Variants in ZBTB33 observed in about 807,000 individuals in gnomAD.
The protein encoded by ZBTB33 is zinc finger and BTB domain containing 33.
Under a neutral mutation model 25.9 loss-of-function variants are expected in ZBTB33, and 11 were observed. That is an observed-to-expected ratio of 0.42 (90% CI 0.27 to 0.70). ZBTB33 has a LOEUF of 0.70. Ranked by LOEUF, ZBTB33 falls within the 30% of genes least tolerant of loss-of-function variation. ZBTB33 has a pLI of 0.23. For synonymous variants in ZBTB33, 157 were observed against 184.8 expected (o/e 0.85, Z 1.22); for missense variants, 343 against 501.1 (o/e 0.68, Z 3.01).
intron 1 of ZBTB33, among the ~76,000 whole-genome samples, chrX:120,251,191 C>T (rs1475549732): frequency 8.9e-6 from 1 of 111,820 alleles, no homozygotes; most frequent in African/African-American, 3.3e-5. Context: ...CGTTAGGGGC[C>T]GAGGGGCTGC....
In ZBTB33 at chrX:120,255,449, C is replaced by T. The variant is rs781927736; in HGVS notation, c.*15C>T. 1 of 1,154,614 alleles carries T rather than the reference C, an allele frequency of 8.7e-7. No individual in the cohort carries two copies. Among genetic ancestry groups the T allele is most frequent in the Non-Finnish European group, 1.2e-6 (1 of 858,221 alleles). On this transcript the variant is annotated 3_prime_UTR_variant, in exon 3 of 3. Coordinates refer to ENST00000557385, the MANE Select transcript of ZBTB33 (RefSeq NM_001184742.2). ...AGTCTTACTAAACTCCTTTGAAATA[C>T]TAGAAAGTTTTGTTTTGGATGATGG... is the stretch of plus-strand genomic sequence containing the variant.
rs782536589 is a variant in ZBTB33, at chrX:120,255,534, G to A, written c.*100G>A. The A allele has an allele frequency of 2.8e-6, 2 of 701,825 alleles. No individual in the cohort carries two copies. Among genetic ancestry groups the A allele is most frequent in the Admixed American group, 7.3e-5 (2 of 27,438 alleles). 57.8% of individuals were successfully genotyped at this position (701,825 alleles called of 1,213,427 possible). On this transcript the variant is annotated 3_prime_UTR_variant, in exon 3 of 3. Transcript: ENST00000557385. Reference sequence around the variant, plus strand: ...AGGTGCGAACAAGTTAATTTGATCTGCCACATTATCTGAAGGAAGTGTAGT... The same window carrying A: ...AGGTGCGAACAAGTTAATTTGATCTACCACATTATCTGAAGGAAGTGTAGT...
Position 120,255,302 on chromosome X carries a change from C to T in ZBTB33, c.1887C>T (p.Thr629=), listed in dbSNP as rs1180750813. 1 of 1,209,743 alleles carries T rather than the reference C, an allele frequency of 8.3e-7. No individual in the cohort carries two copies. Among genetic ancestry groups the T allele is most frequent in the Non-Finnish European group, 1.1e-6 (1 of 894,933 alleles). Residue 629 remains threonine, a synonymous_variant, in exon 3 of 3, where the codon ACC becomes ACT. Transcript: ENST00000557385. ...VDTGKEPPVG[T]TTSTQNKPMT... ...CTGGAAAAGAACCTCCAGTAGGGAC[C>T]ACTACATCTACTCAGAACAAGCCAA...
In ZBTB33 at chrX:120,253,667, T is replaced by C. The variant is rs782407451; in HGVS notation, c.252T>C (p.Tyr84=). ...AGATCTTTGCAGAAATTCTCAATTA[T>C]ATCTATAGTTCTAAAATTGTTCGTG... The part of the protein sequence containing the change: ...RAEIFAEILN[Y]IYSSKIVRVR... The change falls in exon 3 of 3, where the codon TAT becomes TAC. Residue 84 remains tyrosine (Y), a synonymous_variant. Coordinates refer to ENST00000557385, the MANE Select transcript of ZBTB33 (RefSeq NM_001184742.2). The C allele has an allele frequency of 8.3e-7, 1 of 1,212,084 alleles. No homozygotes were observed. The highest frequency in any genetic ancestry group is 1.1e-6 in the Non-Finnish European group (1 of 895,535).
In ZBTB33 at chrX:120,255,641, TTATA is replaced by T. The variant is rs2057633305; in HGVS notation, c.*210_*213del. 1 of 383,124 alleles carries T rather than the reference TTATA, an allele frequency of 2.6e-6. No homozygotes were observed. The highest frequency in any genetic ancestry group is 6.3e-5 in the South Asian group (1 of 15,809). 31.6% of individuals were successfully genotyped at this position (383,124 alleles called of 1,213,427 possible). On this transcript the variant is annotated 3_prime_UTR_variant, in exon 3 of 3. Coordinates refer to ENST00000557385, the MANE Select transcript of ZBTB33 (RefSeq NM_001184742.2). ...TGAGACCCCCTCCCCAAGTATCTGTTTATATAGTTAGTTTTCAGCTCATTTAAAA... is the reference window on the plus strand; with the variant it reads ...TGAGACCCCCTCCCCAAGTATCTGTTTAGTTAGTTTTCAGCTCATTTAAAA...
Position 120,254,952 on chromosome X carries a change from T to A in ZBTB33, c.1537T>A (p.Phe513Ile), listed in dbSNP as rs2057627963. The change falls in exon 3 of 3, where the codon TTT becomes ATT. Residue 513 changes from phenylalanine to isoleucine, a missense_variant. By Grantham distance (21) the Phe-to-Ile change is conservative. Transcript: ENST00000557385. ...CTGTCTGACAAGCTTGCGGAGACATTTTAACATTCATTCTTGGGAGAAGAA... is the reference window on the plus strand; with the variant it reads ...CTGTCTGACAAGCTTGCGGAGACATATTAACATTCATTCTTGGGAGAAGAA... ...YVCLTSLRRH[F>I]NIHSWEKKYP... is the part of the protein sequence containing the mutation. The A allele has an allele frequency of 8.3e-7, 1 of 1,210,602 alleles. No homozygotes were observed. The highest frequency in any genetic ancestry group is 1.1e-6 in the Non-Finnish European group (1 of 895,342).
chrX:120,256,788 A>AT lies in ZBTB33; in HGVS notation c.*1368dup, dbSNP rs782587377. 0.012 allele frequency: 1,344 copies of AT among 109,354 alleles called. 9 individuals carry two copies. Among genetic ancestry groups the AT allele is most frequent in the African/African-American group, 0.024 (658 of 27,981 alleles). 9.0% of individuals were successfully genotyped at this position (109,354 alleles called of 1,213,427 possible). ...CAGAATTGTTGAACGTCTGTAAATG[A>AT]TTTTTTTTTTTTTTGCAAAGGAAAA... On this transcript the variant is annotated 3_prime_UTR_variant, in exon 3 of 3. Transcript: ENST00000557385.
chrX:120,254,217 T>C lies in ZBTB33; in HGVS notation c.802T>C (p.Leu268=). The change falls in exon 3 of 3, where the codon TTG becomes CTG. Residue 268 remains leucine (L), a synonymous_variant. Coordinates refer to ENST00000557385, the MANE Select transcript of ZBTB33 (RefSeq NM_001184742.2). ...CCAAACACAAGGAAGTGAAAAATTG[T>C]TGGTATCTTCAGCTCCAACACATCT... ...LSQTQGSEKL[L]VSSAPTHLTP... The C allele has an allele frequency of 8.3e-7, 1 of 1,212,096 alleles. No individual in the cohort carries two copies.
Position 120,254,487 on chromosome X carries a change from C to G in ZBTB33, c.1072C>G (p.Gln358Glu). The G allele has an allele frequency of 8.3e-7, 1 of 1,211,805 alleles. No homozygotes were observed. Among genetic ancestry groups the G allele is most frequent in the South Asian group, 1.8e-5 (1 of 57,008 alleles). The change falls in exon 3 of 3, where the codon CAG becomes GAG. Residue 358 changes from glutamine (Q) to glutamate (E), a missense_variant. Coordinates refer to ENST00000557385, the MANE Select transcript of ZBTB33 (RefSeq NM_001184742.2). ...CGTCAGTAATACATCTTTGGTCCCACAGGCTGATACCTCCCAAAATACCAG... is the reference window on the plus strand; with the variant it reads ...CGTCAGTAATACATCTTTGGTCCCAGAGGCTGATACCTCCCAAAATACCAG... Reference protein sequence around the residue: ...SAVSNTSLVPQADTSQNTSFD... With the variant: ...SAVSNTSLVPEADTSQNTSFD...
chrX:120,251,680 C>G (rs1400469283), intron 1 of ZBTB33, among the ~76,000 whole-genome samples: 1 of 112,136 alleles, frequency 8.9e-6, no homozygotes, highest in African/African-American at 3.2e-5. Context: ...CCGTCACCAG[C>G]TCCTCCGAAC....
rs73607657 is a variant in ZBTB33, at chrX:120,255,956, A to G, written c.*522A>G. The stretch of plus-strand genomic sequence containing the variant: ...GTTGTGTAATCTGCTAGTCCAAGCG[A>G]ACAGCAACCTCCTGCTACCCTCCCT... On this transcript the variant is annotated 3_prime_UTR_variant, in exon 3 of 3. Coordinates refer to ENST00000557385, the MANE Select transcript of ZBTB33 (RefSeq NM_001184742.2). The G allele has an allele frequency of 0.02, 2,509 of 123,692 alleles. 52 individuals are homozygous for G. The highest frequency in any genetic ancestry group is 0.076 in the African/African-American group (2,356 of 30,822). 10.2% of individuals were successfully genotyped at this position (123,692 alleles called of 1,213,427 possible). A position where few individuals can be genotyped will look rare whatever the true frequency, so the allele number is the denominator to read the frequency against.
rs1202380513 is a variant in ZBTB33 at position 120,257,073 on chromosome X, A to C, written c.*1639A>C. ...GAGGGTATCAGGCATCAGTTCATGC[A>C]ATAATACAAGAAAAAAAATCCTTTG... On this transcript the variant is annotated 3_prime_UTR_variant, in exon 3 of 3. Coordinates refer to ENST00000557385, the MANE Select transcript of ZBTB33 (RefSeq NM_001184742.2). 8.2e-6 allele frequency: 1 copy of C among 122,657 alleles called. No individual in the cohort carries two copies. Among genetic ancestry groups the C allele is most frequent in the African/African-American group, 3.3e-5 (1 of 30,627 alleles). The allele number at this position is 122,657 out of a possible 1,213,427, so 10.1% of individuals were successfully genotyped here.
At position 120,253,900 on chromosome X, in the gene ZBTB33, C is replaced by T. The variant is rs782554056; in HGVS notation, c.485C>T (p.Thr162Ile). Residue 162 changes from threonine (T) to isoleucine (I), a missense_variant, in exon 3 of 3, where the codon ACT (threonine) becomes ATT (isoleucine). By Grantham distance (89) the Thr-to-Ile change is moderately conservative. This residue lies in a region of ZBTB33 where 304 missense variants were observed against 410.0 expected (regional missense o/e 0.74). Transcript: ENST00000557385. ...GATGAAGCCCAAGATAATGGGGCTA[C>T]TATAATGCCTATTATAACAGAGTCT... ...SKDEAQDNGA[T>I]IMPIITESFS... 1 of 1,210,978 alleles carries T rather than the reference C, an allele frequency of 8.3e-7. No homozygotes were observed. Among genetic ancestry groups the T allele is most frequent in the East Asian group, 3.0e-5 (1 of 33,842 alleles).
rs782150371 is a variant in ZBTB33 at position 120,257,827 on chromosome X, TG to T, written c.*2394del. The T allele has an allele frequency of 3.5e-4, 43 of 123,259 alleles. No homozygotes were observed. Among genetic ancestry groups the T allele is most frequent in the African/African-American group, 1.3e-3 (41 of 30,860 alleles). 10.2% of individuals were successfully genotyped at this position (123,259 alleles called of 1,213,427 possible). On this transcript the variant is annotated 3_prime_UTR_variant, in exon 3 of 3. Transcript: ENST00000557385. ...AAGATGCTGTTTAAAATTACCATAT[TG>T]TTTTTTTATCTTATACTTAGCTCTC...
At chrX:120,252,961 G>A (rs1222487111) in intron 2 of ZBTB33, among the ~76,000 whole-genome samples, 191 bp downstream of exon 2, 3 of 111,840 alleles carry the variant, frequency 2.7e-5, no homozygotes, top group Admixed American at 1.9e-4. Context: ...TATTGCACGC[G>A]CTGAGCTTTT....
In ZBTB33 at chrX:120,258,077, G is replaced by A. The variant is rs1472584841; in HGVS notation, c.*2643G>A. On this transcript the variant is annotated 3_prime_UTR_variant, in exon 3 of 3. Transcript: ENST00000557385. ...TGATTATTATGATTTTGGTGGTAAC[G>A]ATCCCCCACACACAACCACTATGAA... 1 of 122,939 alleles carries A rather than the reference G, an allele frequency of 8.1e-6. No homozygotes were observed. The highest frequency in any genetic ancestry group is 1.9e-5 in the Non-Finnish European group (1 of 53,093). The allele number at this position is 122,939 out of a possible 1,213,427, so 10.1% of individuals were successfully genotyped here.
chrX:120,254,146 C>T lies in ZBTB33; in HGVS notation c.731C>T (p.Thr244Ile). Residue 244 changes from threonine (T) to isoleucine (I), a missense_variant, in exon 3 of 3, where the codon ACA (threonine) becomes ATA (isoleucine). Thr to Ile is a moderately conservative substitution (Grantham distance 89). Coordinates refer to ENST00000557385, the MANE Select transcript of ZBTB33 (RefSeq NM_001184742.2). Reference protein sequence around the residue: ...SNNSPPLTNITPTQKLPTPVN... With the variant: ...SNNSPPLTNIIPTQKLPTPVN... ...AACTCGCCCCCTTTAACAAATATCA[C>T]ACCTACTCAGAAACTTCCTACTCCT... 1 of 1,211,666 alleles carries T rather than the reference C, an allele frequency of 8.3e-7. No individual in the cohort carries two copies. Among genetic ancestry groups the T allele is most frequent in the South Asian group, 1.8e-5 (1 of 56,976 alleles).
At position 120,255,643 on chromosome X, in the gene ZBTB33, A is replaced by G. The variant is rs1414739027; in HGVS notation, c.*209A>G. The stretch of plus-strand genomic sequence containing the variant: ...AGACCCCCTCCCCAAGTATCTGTTT[A>G]TATAGTTAGTTTTCAGCTCATTTAA... On this transcript the variant is annotated 3_prime_UTR_variant, in exon 3 of 3. Transcript: ENST00000557385. The G allele has an allele frequency of 2.6e-6, 1 of 382,276 alleles. No homozygotes were observed. The highest frequency in any genetic ancestry group is 4.6e-6 in the Non-Finnish European group (1 of 217,689). The allele number at this position is 382,276 out of a possible 1,213,427, so 31.5% of individuals were successfully genotyped here.
intron 1 of ZBTB33, 84 bp downstream of exon 1, chrX:120,251,061 G>T (rs1157861915): frequency 8.9e-6 from 1 of 112,389 alleles, no homozygotes; most frequent in Non-Finnish European, 1.9e-5. Context: ...GTTTGCATTC[G>T]CCTCACTTGA....
Sources: allele counts gnomAD v4.1 joint callset (sites outside exome capture counted in the v4.1 genomes callset), GRCh38; gene constraint gnomAD v4.1.1; regional missense constraint gnomAD v4.1.1; transcripts MANE v1.5; gene names NCBI Gene and HGNC (gene_info 2026-07-23, HGNC 2026-07-21).